Variants in KCNH5 observed in about 807,000 individuals in gnomAD.
KCNH5 encodes the protein voltage-gated delayed rectifier potassium channel KCNH5.
In KCNH5, 46 loss-of-function variants were observed where a neutral mutation model predicts 96.1. That is an observed-to-expected ratio of 0.48 (90% CI 0.38 to 0.61). The LOEUF (loss-of-function observed/expected upper bound fraction) is 0.61. Ranked by LOEUF, KCNH5 falls within the 20% of genes least tolerant of loss-of-function variation. The pLI is 0.00. For synonymous variants in KCNH5, 439 were observed against 449.8 expected, an observed-to-expected ratio of 0.98 and a Z score of 0.30; for missense variants, 907 against 1,225.8, an observed-to-expected ratio of 0.74 and a Z score of 3.88.
chr14:62,712,149 G>GT (rs1884583787), intron 10 of KCNH5: 2 of 154,892 alleles, frequency 1.3e-5, no homozygotes, highest in South Asian at 3.9e-4. Context: ...ACCGCAAACA[G>GT]TAACACTTGG....
chr14:62,801,106 C>T (rs1288201523), intron 9 of KCNH5, among the ~76,000 whole-genome samples: 1 of 152,022 alleles, frequency 6.6e-6, no homozygotes, highest in African/African-American at 2.4e-5. Flanking sequence ...CATTTCTTTT[C>T]CATTCTCAAT....
At chr14:62,709,003 T>C (rs924540892) in intron 10 of KCNH5, among the ~76,000 whole-genome samples, 1 of 151,818 alleles carries the variant, frequency 6.6e-6, no homozygotes, top group East Asian at 1.9e-4. Flanking sequence ...CCCAGCACTT[T>C]GGGAGGCCGA....
intron 8 of KCNH5, among the ~76,000 whole-genome samples, chr14:62,847,369 C>T (rs1285578777): frequency 6.6e-6 from 1 of 151,956 alleles, no homozygotes; most frequent in Admixed American, 6.6e-5. Flanking sequence ...AATCCCTACA[C>T]CCCCTTTCTA....
chr14:63,014,913 A>C (rs1891297093), intron 2 of KCNH5, among the ~76,000 whole-genome samples: 1 of 152,118 alleles, frequency 6.6e-6, no homozygotes, highest in Non-Finnish European at 1.5e-5. Context: ...CCTGTTCCAC[A>C]GGATAACGTC....
intron 8 of KCNH5, among the ~76,000 whole-genome samples, chr14:62,821,672 C>T (rs1887116269): frequency 1.3e-5 from 2 of 151,998 alleles, no homozygotes; most frequent in South Asian, 4.1e-4. Flanking sequence ...ATTATTTATT[C>T]AGACATAATT....
chr14:62,856,440 C>A (rs1887931451), intron 7 of KCNH5, among the ~76,000 whole-genome samples: 1 of 152,206 alleles, frequency 6.6e-6, no homozygotes, highest in African/African-American at 2.4e-5. Context: ...AATGCATTGG[C>A]AGTAACGCTT....
intron 7 of KCNH5, among the ~76,000 whole-genome samples, chr14:62,908,619 T>G (rs1889076272): frequency 6.6e-6 from 1 of 152,080 alleles, no homozygotes; most frequent in Non-Finnish European, 1.5e-5. Flanking sequence ...AGGCACAGAC[T>G]GGAGCCCTCC....
At chr14:62,950,843 G>T (rs1889991167) in intron 6 of KCNH5, among the ~76,000 whole-genome samples, 2 of 152,070 alleles carry the variant, frequency 1.3e-5, no homozygotes, top group African/African-American at 4.8e-5. Flanking sequence ...AATATAAATG[G>T]TACAGAGAGA....
At chr14:63,003,231 G>A (rs1035430821) in intron 3 of KCNH5, among the ~76,000 whole-genome samples, 3 of 151,192 alleles carry the variant, frequency 2.0e-5, no homozygotes, top group African/African-American at 7.3e-5. Context: ...CAAGCCACAG[G>A]GTCATATTTC....
chr14:62,842,587 G>C (rs1887608086), intron 8 of KCNH5, among the ~76,000 whole-genome samples: 1 of 152,138 alleles, frequency 6.6e-6, no homozygotes, highest in Non-Finnish European at 1.5e-5. Flanking sequence ...GCAATGATAT[G>C]CTGGTTTCTT....
chr14:62,735,235 G>T (rs1885132582), intron 10 of KCNH5, among the ~76,000 whole-genome samples: 6 of 152,154 alleles, frequency 3.9e-5, no homozygotes, highest in Non-Finnish European at 7.3e-5. Context: ...TCAAACCAAT[G>T]TTGATGATAT....
intron 2 of KCNH5, among the ~76,000 whole-genome samples, chr14:63,007,701 A>ACAAATGCAAATGCATTGATG (rs1891152571): frequency 6.6e-6 from 1 of 152,180 alleles, no homozygotes; most frequent in South Asian, 2.1e-4. Flanking sequence ...TGCATATGAT[A>ACAAATGCAAATGCATTGATG]CATATAATGC....
At position 63,016,824 on chromosome 14, in the gene KCNH5, T is replaced by C. The variant is rs1379596862; in HGVS notation, c.197+7A>G. ...AGAAAAGATTACTTAGCTATTCTGT[T>C]ACCTACCTGCAAGTGCTGCTTTTCT... On this transcript the variant is annotated splice_region_variant and intron_variant, in intron 2 of 10. Transcript: ENST00000322893. The C allele has an allele frequency of 1.2e-6, 2 of 1,604,900 alleles. No homozygotes were observed. The highest frequency in any genetic ancestry group is 3.4e-5 in the Admixed American group (2 of 58,262).
At position 63,042,051 on chromosome 14, in the gene KCNH5, G is replaced by A. The variant is rs561944874; in HGVS notation, c.73+3063C>T. Among the ~76,000 whole-genome samples, 24 of 152,148 alleles carry A rather than the reference G, an allele frequency of 1.6e-4. No homozygotes were observed. In the South Asian group the frequency reaches 4.6e-3, roughly 29 times the overall value. ...AACTGGCTGAGATTTCAGTTCATTG[G>A]TGATACCCATGGACAAATAAATGTC... On this transcript the variant is annotated intron_variant, in intron 1 of 10. Coordinates refer to ENST00000322893, the MANE Select transcript of KCNH5 (RefSeq NM_139318.5).
intron 9 of KCNH5, among the ~76,000 whole-genome samples, chr14:62,784,791 C>A (rs1886287211): frequency 6.6e-6 from 1 of 152,090 alleles, no homozygotes; most frequent in Non-Finnish European, 1.5e-5. Context: ...ATTAAAAATT[C>A]TTACACTATT....
chr14:62,842,570 G>A (rs1004442000), intron 8 of KCNH5, among the ~76,000 whole-genome samples: 2 of 152,164 alleles, frequency 1.3e-5, no homozygotes, highest in Non-Finnish European at 2.9e-5. Flanking sequence ...CTGAAGAATA[G>A]TTTCTTGCAA....
At chr14:62,953,074 G>A (rs928262746) in intron 6 of KCNH5, among the ~76,000 whole-genome samples, 1 of 151,406 alleles carries the variant, frequency 6.6e-6, no homozygotes, top group African/African-American at 2.4e-5. Flanking sequence ...GAAGTAGTTT[G>A]ACACCACTTA....
At chr14:62,728,229 A>C (rs924785246) in intron 10 of KCNH5, among the ~76,000 whole-genome samples, 84 of 151,048 alleles carry the variant, frequency 5.6e-4, no homozygotes, top group Non-Finnish European at 8.6e-4. Flanking sequence ...AAACTACAAA[A>C]AAAAAAAAAT....
At chr14:62,971,999 A>G (rs190608474) in intron 6 of KCNH5, among the ~76,000 whole-genome samples, 3 of 152,182 alleles carry the variant, frequency 2.0e-5, no homozygotes, top group Admixed American at 6.5e-5. Context: ...GTAATAATTG[A>G]TAAGCTGGAC....
Sources: allele counts gnomAD v4.1 joint callset (sites outside exome capture counted in the v4.1 genomes callset), GRCh38; gene constraint gnomAD v4.1.1; transcripts MANE v1.5; gene names NCBI Gene and HGNC (gene_info 2026-07-23, HGNC 2026-07-21).